DNM3: variants seen among roughly 807,000 people sequenced by gnomAD.
The protein encoded by DNM3 is dynamin 3.
A neutral mutation model predicts 101.6 loss-of-function variants in DNM3; 47 were observed. The ratio of observed to expected loss-of-function variants is 0.46; its 90% CI spans 0.37 to 0.59. DNM3 has a LOEUF of 0.59. Ranked by LOEUF, DNM3 falls within the 20% of genes least tolerant of loss-of-function variation. DNM3 has a pLI of 0.00. For missense variants in DNM3, 849 were observed against 1,085.7 expected, an observed-to-expected ratio of 0.78 and a Z score of 3.06; for synonymous variants, 385 against 387.9, an observed-to-expected ratio of 0.99 and a Z score of 0.09.
intron 4 of DNM3, among the ~76,000 whole-genome samples, chr1:172,026,747 G>T (rs941115946): frequency 6.6e-6 from 1 of 151,550 alleles, no homozygotes; most frequent in Non-Finnish European, 1.5e-5. Flanking sequence ...CTCCGCCTCC[G>T]GGTTCATGCC....
At chr1:172,339,938 G>T (rs911343892) in intron 17 of DNM3, among the ~76,000 whole-genome samples, 1 of 152,192 alleles carries the variant, frequency 6.6e-6, no homozygotes, top group Non-Finnish European at 1.5e-5. Context: ...GTGAGGTCAG[G>T]TGTGGTGGGA....
At chr1:171,997,510 G>A (rs186258734) in intron 4 of DNM3, among the ~76,000 whole-genome samples, 37 of 152,070 alleles carry the variant, frequency 2.4e-4, no homozygotes, top group Non-Finnish European at 2.9e-4. Flanking sequence ...TAGAGAGAGC[G>A]TTCAGTGCTT....
intron 17 of DNM3, among the ~76,000 whole-genome samples, chr1:172,365,586 G>A (rs562221283): frequency 3.9e-5 from 6 of 151,940 alleles, no homozygotes; most frequent in South Asian, 2.1e-4. Flanking sequence ...CATTGATGTC[G>A]TTGCATTTTT....
intron 2 of DNM3, among the ~76,000 whole-genome samples, chr1:171,927,967 G>A (rs1464729675): frequency 2.0e-5 from 3 of 152,216 alleles, no homozygotes; most frequent in Non-Finnish European, 2.9e-5. Context: ...ATCTCTGCAT[G>A]TGGGTGTTCC....
At chr1:172,159,330 T>G (rs893574329) in intron 14 of DNM3, among the ~76,000 whole-genome samples, 1 of 152,052 alleles carries the variant, frequency 6.6e-6, no homozygotes, top group Non-Finnish European at 1.5e-5. Flanking sequence ...CATTTTTACT[T>G]GAAAATAAGT....
chr1:171,993,104 A>G (rs1465797438), intron 4 of DNM3, among the ~76,000 whole-genome samples: 1 of 152,142 alleles, frequency 6.6e-6, no homozygotes, highest in African/African-American at 2.4e-5. Context: ...ATTATCTTTT[A>G]AATCAGATAT....
chr1:171,942,409 C>A (rs2041879980), intron 2 of DNM3, among the ~76,000 whole-genome samples: 1 of 151,764 alleles, frequency 6.6e-6, no homozygotes. Context: ...TAAGCATATG[C>A]AAAACTAATA....
intron 17 of DNM3, among the ~76,000 whole-genome samples, chr1:172,369,675 G>T (rs2068218388): frequency 6.6e-6 from 1 of 151,820 alleles, no homozygotes; most frequent in South Asian, 2.1e-4. Flanking sequence ...TGCTGTAAGT[G>T]TAACATATAC....
chr1:172,385,296 T>C (rs1470201375), intron 18 of DNM3, among the ~76,000 whole-genome samples: 1 of 152,240 alleles, frequency 6.6e-6, no homozygotes, highest in Non-Finnish European at 1.5e-5. Context: ...GCCAGATTAA[T>C]TTTCCTAAAA....
At chr1:172,025,697 C>A (rs1430868074) in intron 4 of DNM3, among the ~76,000 whole-genome samples, 1 of 152,176 alleles carries the variant, frequency 6.6e-6, no homozygotes, top group Non-Finnish European at 1.5e-5. Context: ...CTCCAGCAGA[C>A]CTGCAGCAGA....
intron 17 of DNM3, among the ~76,000 whole-genome samples, chr1:172,324,422 T>A (rs2065858302): frequency 6.6e-6 from 1 of 152,194 alleles, no homozygotes; most frequent in African/African-American, 2.4e-5. Flanking sequence ...TTGACATACA[T>A]GGTTGGTATT....
In DNM3 at chr1:172,338,405, A is replaced by G. The variant is rs953536501; in HGVS notation, c.1893+15065A>G. Among the ~76,000 whole-genome samples the G allele has an allele frequency of 7.9e-5, 12 of 152,124 alleles. No individual in the cohort carries two copies. The East Asian group carries it at 2.3e-3, about 29-fold the overall frequency. On this transcript the variant is annotated intron_variant, in intron 17 of 20. Coordinates refer to ENST00000627582, the MANE Select transcript of DNM3 (RefSeq NM_015569.5). ...TTTTACTGTGAAGCACATTGATGTA[A>G]TAGTGAGAATCATGCCCTAAGTCTG...
chr1:172,002,836 A>G (rs1018832595), intron 4 of DNM3, among the ~76,000 whole-genome samples: 5 of 152,078 alleles, frequency 3.3e-5, no homozygotes, highest in Non-Finnish European at 7.4e-5. Context: ...TGAAGGCACA[A>G]TGATAAAGTG....
At position 171,993,593 on chromosome 1, in the gene DNM3, T is replaced by C. The variant is rs539779450; in HGVS notation, c.589+4445T>C. On this transcript the variant is annotated intron_variant, in intron 4 of 20. Transcript: ENST00000627582. ...TCCTACTTGGAGTTTGTTGACCTTC[T>C]TGGATGTGTAGATTAATGCTTTTTA... Among the ~76,000 whole-genome samples, 7 of 151,916 alleles carry C rather than the reference T, an allele frequency of 4.6e-5. No homozygotes were observed. The South Asian group carries it at 1.2e-3, about 27-fold the overall frequency.
chr1:172,346,122 CAA>C (rs554868535), intron 17 of DNM3, among the ~76,000 whole-genome samples: 21,723 of 91,826 alleles, frequency 0.24, 1,684 homozygotes, highest in African/African-American at 0.43. Flanking sequence ...GACTCCGTCT[CAA>C]AAAAAAAAAA....
chr1:172,315,325 G>C (rs924917117), intron 16 of DNM3, among the ~76,000 whole-genome samples: 1 of 152,182 alleles, frequency 6.6e-6, no homozygotes, highest in Non-Finnish European at 1.5e-5. Flanking sequence ...ACTCTAAAAA[G>C]CAGAGTGCCT....
chr1:172,053,675 A>G (rs931868984), intron 10 of DNM3, among the ~76,000 whole-genome samples: 5 of 152,200 alleles, frequency 3.3e-5, no homozygotes, highest in Non-Finnish European at 5.9e-5. Context: ...AAAAATATAT[A>G]TACTTGGTTT....
At chr1:172,367,336 C>T (rs2068074648) in intron 17 of DNM3, among the ~76,000 whole-genome samples, 1 of 151,792 alleles carries the variant, frequency 6.6e-6, no homozygotes, top group African/African-American at 2.4e-5. Flanking sequence ...ACTAGACCAG[C>T]ATTACAAAAA....
intron 2 of DNM3, 72 bp downstream of exon 2, chr1:171,921,893 T>C: frequency 7.2e-7 from 1 of 1,395,290 alleles, no homozygotes; most frequent in Non-Finnish European, 9.9e-7. Context: ...AGGTGTGGGA[T>C]TGTACAAATA....
Sources: gnomAD v4.1 joint callset for allele counts (sites outside exome capture counted in the v4.1 genomes callset) on GRCh38, gnomAD v4.1.1 for gene constraint, MANE v1.5 for transcripts, NCBI Gene and HGNC (gene_info 2026-07-23, HGNC 2026-07-21) for gene names.